TTN: variants seen among roughly 807,000 people sequenced by gnomAD.
TTN encodes the protein titin.
In TTN, 1,525 loss-of-function variants were observed where a neutral mutation model predicts 3,223.0. The observed-to-expected ratio is 0.47, with a 90% CI of 0.45 to 0.49. The LOEUF (loss-of-function observed/expected upper bound fraction) is 0.49, where lower values mean the gene tolerates loss of function less well. Among genes scored for constraint, TTN ranks in the 20% least tolerant of loss-of-function variants. The pLI, the probability that TTN is intolerant of heterozygous loss-of-function variation, is 0.00. For missense variants in TTN, 40,786 were observed against 43,424.0 expected (o/e 0.94, Z 5.40); for synonymous variants, 14,094 against 15,161.0 (o/e 0.93, Z 5.17).
At position 178,779,324 on chromosome 2, in the gene TTN, C is replaced by T. The variant is rs748755381; in HGVS notation, c.3868G>A (p.Glu1290Lys). Residue 1290 changes from glutamate (E) to lysine (K), a missense_variant, in exon 23 of 363, where the codon GAA becomes AAA. Transcript: ENST00000589042. Reference protein sequence around the residue: ...AVDISESEAVESGFDSRIKNY... With the variant: ...AVDISESEAVKSGFDSRIKNY... The stretch of plus-strand genomic sequence containing the variant: ...TTGATTCTTGAATCAAATCCTGATT[C>T]AACAGCTTCAGATTCAGAAATGTCA... 10 of 1,613,286 alleles carry T rather than the reference C, an allele frequency of 6.2e-6. No homozygotes were observed. The highest frequency in any genetic ancestry group is 8.5e-6 in the Non-Finnish European group (10 of 1,179,532).
intron 47 of TTN, 93 bp from the exon 48 acceptor site, chr2:178,742,014 T>C (rs771636654): frequency 1.3e-5 from 12 of 925,506 alleles, no homozygotes; most frequent in South Asian, 3.5e-5. Context: ...GATGGCCTTC[T>C]TCTGCTTTAT....
At chr2:178,647,835 T>G (rs376986658) in intron 213 of TTN, among the ~76,000 whole-genome samples, 1 of 152,168 alleles carries the variant, frequency 6.6e-6, no homozygotes, top group East Asian at 1.9e-4. Flanking sequence ...TCCCAACTTT[T>G]ATGCTTTAAA....
chr2:178,776,294 G>T lies in TTN; in HGVS notation c.5570C>A (p.Thr1857Asn). Reference sequence around the variant, plus strand: ...TGTTACCCTGCAGCGGAACCTTGCAGTCTCCCCTTCAAGTACTCTAACTGG... The same window carrying T: ...TGTTACCCTGCAGCGGAACCTTGCATTCTCCCCTTCAAGTACTCTAACTGG... ...PEPVRVLEGE[T>N]ARFRCRVTGY... is the part of the protein sequence containing the mutation. Residue 1857 changes from threonine (T) to asparagine (N), a missense_variant, in exon 28 of 363, where the codon ACT becomes AAT. Transcript: ENST00000589042. The T allele has an allele frequency of 6.2e-7, 1 of 1,614,076 alleles. No individual in the cohort carries two copies. Among genetic ancestry groups the T allele is most frequent in the Non-Finnish European group, 8.5e-7 (1 of 1,180,000 alleles).
rs769115076 is a variant in TTN, at chr2:178,756,353, T to A, written c.11123A>T (p.Gln3708Leu). The change falls in exon 46 of 363, where the codon CAA becomes CTA. Residue 3708 changes from glutamine (Q) to leucine (L), a missense_variant. Gln to Leu is a moderately radical substitution (Grantham distance 113, BLOSUM62 -2). Coordinates refer to ENST00000589042, the MANE Select transcript of TTN (RefSeq NM_001267550.2). ...AAACTGAATATTTCCATTTTGTGAT[T>A]GTTTCAGTCTCTCGGATTCCTCTAT... ...AKIEESERLK[Q>L]SQNGNIQFLT... The A allele has an allele frequency of 3.1e-6, 5 of 1,613,882 alleles. No individual in the cohort carries two copies. Among genetic ancestry groups the A allele is most frequent in the Non-Finnish European group, 4.2e-6 (5 of 1,179,816 alleles).
Position 178,764,705 on chromosome 2 carries a change from A to G in TTN, c.9810T>C (p.Ile3270=). The G allele has an allele frequency of 6.2e-7, 1 of 1,614,084 alleles. No homozygotes were observed. Among genetic ancestry groups the G allele is most frequent in the East Asian group, 2.2e-5 (1 of 44,862 alleles). ...AVISGRPQPK[I]SWYKEEQLLS... Reference sequence around the variant, plus strand: ...GCAGCTGCTCTTCCTTGTACCAGGAAATTTTGGGCTGTGGTCTTCCGGATA... The same window carrying G: ...GCAGCTGCTCTTCCTTGTACCAGGAGATTTTGGGCTGTGGTCTTCCGGATA... The change falls in exon 42 of 363, where the codon ATT becomes ATC. Residue 3270 remains isoleucine, a synonymous_variant. Transcript: ENST00000589042.
At position 178,759,057 on chromosome 2, in the gene TTN, A is replaced by G. The variant is rs773328303; in HGVS notation, c.10230T>C (p.Asp3410=). Residue 3410 remains aspartate, a synonymous_variant, in exon 44 of 363, where the codon GAT becomes GAC. Coordinates refer to ENST00000589042, the MANE Select transcript of TTN (RefSeq NM_001267550.2). ...QLEIAEAYPE[D]EGTYTFVASN... ...TAGCAACAAACGTGTAAGTTCCTTCATCTTCTGGATAAGCTTCGGCAATTT... is the reference window on the plus strand; with the variant it reads ...TAGCAACAAACGTGTAAGTTCCTTCGTCTTCTGGATAAGCTTCGGCAATTT... The G allele has an allele frequency of 4.3e-6, 7 of 1,613,912 alleles. No homozygotes were observed. In the South Asian group the frequency reaches 5.5e-5, roughly 13 times the overall value.
Position 178,784,179 on chromosome 2 carries a change from G to A in TTN, c.2666C>T (p.Thr889Ile), listed in dbSNP as rs774762147. 8 of 1,614,166 alleles carry A rather than the reference G, an allele frequency of 5.0e-6. No homozygotes were observed. Among genetic ancestry groups the A allele is most frequent in the East Asian group, 2.2e-5 (1 of 44,876 alleles). Residue 889 changes from threonine to isoleucine, a missense_variant, in exon 16 of 363, where the codon ACT (threonine) becomes ATT (isoleucine). Coordinates refer to ENST00000589042, the MANE Select transcript of TTN (RefSeq NM_001267550.2). ...PQFPFADTPD[T>I]YKSEAGVEVK... is the part of the protein sequence containing the mutation. ...CTCAACGCCAGCTTCACTCTTGTAA[G>A]TATCTGGTGTGTCAGCGAAGGGGAA...
chr2:178,801,453 A>G (rs1222235201), intron 3 of TTN, among the ~76,000 whole-genome samples: 1 of 152,202 alleles, frequency 6.6e-6, no homozygotes, highest in Non-Finnish European at 1.5e-5. Context: ...GCTTAGGTCA[A>G]TTATAGCCCT....
At chr2:178,609,630 T>C in intron 272 of TTN, 54 bp downstream of exon 272, 1 of 1,549,436 alleles carries the variant, frequency 6.5e-7, no homozygotes, top group Non-Finnish European at 8.7e-7. Context: ...GACAAAACAT[T>C]ATTTTCATTT....
At position 178,677,913 on chromosome 2, in the gene TTN, T is replaced by C; in HGVS notation, c.33999A>G (p.Pro11333=). Reference sequence around the variant, plus strand: ...GAACTGGAACTGGTTCACGTTTCTTTGGCACTTTAAAGATATTTATTCAAG... The same window carrying C: ...GAACTGGAACTGGTTCACGTTTCTTCGGCACTTTAAAGATATTTATTCAAG... ...KKVEAPPPKV[P]KKREPVPVPV... The change falls in exon 146 of 363, where the codon CCA becomes CCG. Residue 11333 remains proline (P), a synonymous_variant. Coordinates refer to ENST00000589042, the MANE Select transcript of TTN (RefSeq NM_001267550.2). 6.3e-7 allele frequency: 1 copy of C among 1,594,956 alleles called. No individual in the cohort carries two copies. Among genetic ancestry groups the C allele is most frequent in the Non-Finnish European group, 8.5e-7 (1 of 1,173,224 alleles).
At position 178,719,932 on chromosome 2, in the gene TTN, A is replaced by G. The variant is rs892291986; in HGVS notation, c.23659+51T>C. The G allele has an allele frequency of 8.4e-6, 13 of 1,544,986 alleles. No individual in the cohort carries two copies. The Admixed American group carries it at 2.0e-4, about 23-fold the overall frequency. On this transcript the variant is annotated intron_variant, in intron 81 of 362. Transcript: ENST00000589042. ...ATAAGAGGAATATTTGAGGAAAATG[A>G]TCATGGATCAAGTAAATTGATTTTT...
rs751776506 is a variant in TTN at position 178,570,288 on chromosome 2, C to T, written c.75844G>A (p.Val25282Ile). Residue 25282 changes from valine to isoleucine, a missense_variant, in exon 326 of 363, where the codon GTA becomes ATA. By Grantham distance (29) the Val-to-Ile change is conservative. Transcript: ENST00000589042. ...GNEYTFRIMA[V>I]NKYGVGEPLE... ...GGTTCACCAACACCATATTTGTTTA[C>T]TGCCATTATACGGAAAGTATATTCA... is the stretch of plus-strand genomic sequence containing the variant. The T allele has an allele frequency of 1.9e-6, 3 of 1,613,378 alleles. No individual in the cohort carries two copies. The highest frequency in any genetic ancestry group is 2.5e-6 in the Non-Finnish European group (3 of 1,179,624).
chr2:178,782,132 G>A (rs2092833576), intron 20 of TTN, 80 bp downstream of exon 20: 3 of 1,517,192 alleles, frequency 2.0e-6, no homozygotes, highest in African/African-American at 1.4e-5. Context: ...CAGGGTCGGT[G>A]GGGTGAGTAA....
rs374964612 is a variant in TTN at position 178,728,569 on chromosome 2, C to G, written c.19357G>C (p.Gly6453Arg). The change falls in exon 66 of 363, where the codon GGT becomes CGT. Residue 6453 changes from glycine (G) to arginine (R), a missense_variant. Transcript: ENST00000589042. The stretch of plus-strand genomic sequence containing the variant: ...TTTTCCACCTTGAAAGTGTACTGAC[C>G]GCTGTCCTGCTTCATTACTGACTGA... ...RIQSVMKQDS[G>R]QYTFKVENDF... The G allele has an allele frequency of 2.5e-6, 4 of 1,612,944 alleles. No individual in the cohort carries two copies. Among genetic ancestry groups the G allele is most frequent in the Non-Finnish European group, 3.4e-6 (4 of 1,179,460 alleles).
Position 178,735,873 on chromosome 2 carries a change from G to C in TTN, c.14573C>G (p.Thr4858Ser), listed in dbSNP as rs2081354978. The C allele has an allele frequency of 6.2e-7, 1 of 1,613,870 alleles. No individual in the cohort carries two copies. Among genetic ancestry groups the C allele is most frequent in the Admixed American group, 1.7e-5 (1 of 59,996 alleles). The change falls in exon 50 of 363, where the codon ACC becomes AGC. Residue 4858 changes from threonine (T) to serine (S), a missense_variant. By Grantham distance (58) the Thr-to-Ser change is moderately conservative. Transcript: ENST00000589042. ...NKHILELSNL[T>S]IQDRGVYSCK... ...AGAATAAACTCCTCTATCTTGAATG[G>C]TAAGGTTTGAGAGTTCTAAAATGTG...
rs1400048335 is a variant in TTN, at chr2:178,757,684, A to AACTAC, written c.10531_10535dup (p.Phe3513Ter). ...TGCCTGTGGACTCCTCAAAATGGAA[A>AACTAC]ACTACATCTTTTGTTGGTAGAATTA... On this transcript the variant is annotated stop_gained and frameshift_variant, in exon 45 of 363. Coordinates refer to ENST00000589042, the MANE Select transcript of TTN (RefSeq NM_001267550.2). LOFTEE classifies it high-confidence loss of function. 2 of 1,613,726 alleles carry AACTAC rather than the reference A, an allele frequency of 1.2e-6. No homozygotes were observed. The highest frequency in any genetic ancestry group is 1.7e-6 in the Non-Finnish European group (2 of 1,179,816).
chr2:178,718,412 C>G lies in TTN; in HGVS notation c.24694G>C (p.Glu8232Gln). 6.2e-7 allele frequency: 1 copy of G among 1,613,760 alleles called. No homozygotes were observed. Among genetic ancestry groups the G allele is most frequent in the Non-Finnish European group, 8.5e-7 (1 of 1,179,742 alleles). ...TGTGCATAATCCTCTATTGTGCTCT[C>G]AAGAATTTCCAGTATGGTAGATTTT... ...TEKSTILEILESTIEDYAQYS... is the reference protein window; with the variant it reads ...TEKSTILEILQSTIEDYAQYS... Residue 8232 changes from glutamate (E) to glutamine (Q), a missense_variant, in exon 85 of 363, where the codon GAG (glutamate) becomes CAG (glutamine). Transcript: ENST00000589042.
rs1331107431 is a variant in TTN at position 178,578,182 on chromosome 2, T to C, written c.68333A>G (p.Tyr22778Cys). ...GTTTCTTTCCTTGAACTCGAGATGATACCCTACAAAAGACCCAGGGATGTA... is the reference window on the plus strand; with the variant it reads ...GTTTCTTTCCTTGAACTCGAGATGACACCCTACAAAAGACCCAGGGATGTA... ...KKTGGSPITG[Y>C]HLEFKERNSL... is the part of the protein sequence containing the mutation. The change falls in exon 322 of 363, where the codon TAT (tyrosine) becomes TGT (cysteine). Residue 22778 changes from tyrosine (Y) to cysteine (C), a missense_variant. Tyr to Cys is a radical substitution (Grantham distance 194). Coordinates refer to ENST00000589042, the MANE Select transcript of TTN (RefSeq NM_001267550.2). 2 of 1,610,690 alleles carry C rather than the reference T, an allele frequency of 1.2e-6. No homozygotes were observed. Among genetic ancestry groups the C allele is most frequent in the South Asian group, 1.1e-5 (1 of 90,880 alleles).
chr2:178,544,573 T>A (rs376826940), intron 344 of TTN, 67 bp from the exon 345 acceptor site: 4 of 1,414,108 alleles, frequency 2.8e-6, no homozygotes, highest in East Asian at 4.6e-5. Context: ...TTGTATTTTT[T>A]GTTTTCAAGA....
Sources: allele counts gnomAD v4.1 joint callset (sites outside exome capture counted in the v4.1 genomes callset), GRCh38; gene constraint gnomAD v4.1.1; transcripts MANE v1.5; gene names NCBI Gene and HGNC (gene_info 2026-07-23, HGNC 2026-07-21).